The following SHANK2 variants were observed in gnomAD, a reference collection of about 807,000 sequenced individuals.
SHANK2 encodes SH3 and multiple ankyrin repeat domains protein 2.
A neutral mutation model predicts 133.7 loss-of-function variants in SHANK2; 43 were observed. The ratio of observed to expected loss-of-function variants is 0.32; its 90% confidence interval spans 0.25 to 0.41. The LOEUF (loss-of-function observed/expected upper bound fraction) is 0.41. Among genes scored for constraint, SHANK2 ranks in the 10% least tolerant of loss-of-function variants. The pLI is 1.00. For synonymous variants in SHANK2, 1,017 were observed against 952.8 expected, an observed-to-expected ratio of 1.07 and a Z score of -1.24; for missense variants, 1,994 against 2,235.8, an observed-to-expected ratio of 0.89 and a Z score of 2.18.
At position 70,819,759 on chromosome 11, in the gene SHANK2, G is replaced by T. The variant is rs536092024; in HGVS notation, c.1493+605C>A. ...TGACAGACATGCCCTCTGTGCTCCT[G>T]CCATGCTGGACCCAGGCCTGCAAGT... On this transcript the variant is annotated intron_variant, in intron 12 of 25. Coordinates refer to ENST00000601538, the MANE Select transcript of SHANK2 (RefSeq NM_012309.5). Among the ~76,000 whole-genome samples, 4 of 152,200 alleles carry T rather than the reference G, an allele frequency of 2.6e-5. No individual in the cohort carries two copies. In the East Asian group the frequency reaches 7.8e-4, roughly 29 times the overall value.
chr11:70,955,474 C>A (rs1950907725), intron 10 of SHANK2, among the ~76,000 whole-genome samples: 3 of 149,300 alleles, frequency 2.0e-5, no homozygotes, highest in African/African-American at 7.6e-5. Context: ...TGTACACACA[C>A]TTACAAATAC....
chr11:70,926,901 G>A (rs189637177), intron 10 of SHANK2, among the ~76,000 whole-genome samples: 5 of 152,302 alleles, frequency 3.3e-5, no homozygotes, highest in South Asian at 2.1e-4. Flanking sequence ...AGTGTGAGGC[G>A]TCCATGGTCT....
At chr11:70,790,765 C>CAGG (rs1947770393) in intron 14 of SHANK2, among the ~76,000 whole-genome samples, 2 of 152,200 alleles carry the variant, frequency 1.3e-5, no homozygotes, top group Non-Finnish European at 2.9e-5. Flanking sequence ...AAACAGTCAC[C>CAGG]AGGAGGTGGC....
intron 14 of SHANK2, among the ~76,000 whole-genome samples, chr11:70,727,722 C>T (rs1946204843): frequency 1.3e-5 from 2 of 152,166 alleles, no homozygotes; most frequent in African/African-American, 2.4e-5. Flanking sequence ...TGGGTTAAGA[C>T]TCAGGATAGA....
chr11:70,646,573 T>C (rs1470296507), intron 17 of SHANK2, among the ~76,000 whole-genome samples: 1 of 152,196 alleles, frequency 6.6e-6, no homozygotes, highest in African/African-American at 2.4e-5. Context: ...TCTGCACTCT[T>C]TGGGAAGAAG....
chr11:71,085,589 A>G lies in SHANK2; in HGVS notation c.912+6833T>C, dbSNP rs1359572597. Among the ~76,000 whole-genome samples the G allele has an allele frequency of 4.0e-4, 11 of 27,642 alleles. No individual in the cohort carries two copies. In the South Asian group the frequency reaches 0.01, roughly 25 times the overall value. 18.1% of individuals were successfully genotyped at this position (27,642 alleles called of 152,430 possible). On this transcript the variant is annotated intron_variant, in intron 8 of 25. Transcript: ENST00000601538. ...TAAAATATATATTATATAATATATT[A>G]TATAATATATATATTAAATATATAT...
chr11:70,892,224 C>T (rs1391248240), intron 11 of SHANK2, among the ~76,000 whole-genome samples: 2 of 152,242 alleles, frequency 1.3e-5, no homozygotes, highest in Non-Finnish European at 2.9e-5. Flanking sequence ...GCATCATCTT[C>T]CTCCAGCCCT....
intron 10 of SHANK2, among the ~76,000 whole-genome samples, chr11:70,908,840 C>T (rs1555078481): frequency 6.6e-6 from 1 of 152,188 alleles, no homozygotes; most frequent in Non-Finnish European, 1.5e-5. Context: ...CCCAACTGAT[C>T]TACCTCCATT....
chr11:71,113,326 G>A lies in SHANK2; in HGVS notation c.450C>T (p.Leu150=), dbSNP rs1159301962. ...YKKRVYKQAS[L]DEKQLAKLHT... is the part of the protein sequence containing the mutation. The stretch of plus-strand genomic sequence containing the variant: ...GGAGCTTGGCCAACTGTTTCTCATC[G>A]AGACTGGCTTGTTTATACACCCGCT... The change falls in exon 5 of 26, where the codon CTC becomes CTT. Residue 150 remains leucine (L), a synonymous_variant. Transcript: ENST00000601538. The A allele has an allele frequency of 9.0e-6, 14 of 1,551,508 alleles. No homozygotes were observed. The highest frequency in any genetic ancestry group is 2.7e-5 in the African/African-American group (2 of 73,002).
intron 17 of SHANK2, among the ~76,000 whole-genome samples, chr11:70,656,771 C>T (rs189186147): frequency 2.0e-4 from 30 of 152,176 alleles, no homozygotes; most frequent in Admixed American, 1.4e-3. Flanking sequence ...ATGAGACTCC[C>T]GATCTGGAGA....
chr11:71,066,026 G>C (rs1590879270), intron 9 of SHANK2, among the ~76,000 whole-genome samples: 1 of 137,092 alleles, frequency 7.3e-6, no homozygotes, highest in Non-Finnish European at 1.6e-5. Context: ...TGAGTGGTGA[G>C]TGGGGAAGTT....
At chr11:70,861,494 TC>T (rs1375199235) in intron 11 of SHANK2, among the ~76,000 whole-genome samples, 3 of 152,208 alleles carry the variant, frequency 2.0e-5, no homozygotes, top group African/African-American at 7.2e-5. Flanking sequence ...TGAACTTGCA[TC>T]AAAACATGAT....
chr11:70,791,852 C>T (rs1555048065), intron 14 of SHANK2, among the ~76,000 whole-genome samples: 1 of 152,206 alleles, frequency 6.6e-6, no homozygotes, highest in Non-Finnish European at 1.5e-5. Flanking sequence ...TGGGGATGCT[C>T]ATGTGTACAA....
chr11:70,494,036 C>T (rs1022941907), intron 21 of SHANK2, among the ~76,000 whole-genome samples: 1 of 152,186 alleles, frequency 6.6e-6, no homozygotes. Flanking sequence ...CAGGGTTGTC[C>T]AACACAAAGG....
At chr11:70,521,828 C>T (rs1212155087) in intron 17 of SHANK2, among the ~76,000 whole-genome samples, 2 of 152,240 alleles carry the variant, frequency 1.3e-5, no homozygotes, top group Non-Finnish European at 2.9e-5. Context: ...CGGCAGCTCC[C>T]AGAGACGCTC....
intron 9 of SHANK2, among the ~76,000 whole-genome samples, chr11:71,074,617 C>T (rs1053925498): frequency 5.9e-5 from 9 of 152,056 alleles, no homozygotes; most frequent in Admixed American, 2.6e-4. Context: ...ACAGACAATG[C>T]GAGCTATTTT....
At position 71,094,241 on chromosome 11, in the gene SHANK2, G is replaced by A. The variant is rs76941100; in HGVS notation, c.744+296C>T. 8.7e-3 allele frequency among the ~76,000 whole-genome samples: 1,327 copies of A among 152,250 alleles called. 22 individuals carry two copies. The highest frequency in any genetic ancestry group is 0.03 in the African/African-American group (1,257 of 41,514). The stretch of plus-strand genomic sequence containing the variant: ...TGAGTCTTCCTGTGGATGGGGTTGG[G>A]GTTCACCACTGGCCTTACGGGTTGA... On this transcript the variant is annotated intron_variant, in intron 7 of 25. Transcript: ENST00000601538.
chr11:70,831,658 A>T (rs1233836193), intron 11 of SHANK2, among the ~76,000 whole-genome samples: 1 of 152,268 alleles, frequency 6.6e-6, no homozygotes, highest in Non-Finnish European at 1.5e-5. Flanking sequence ...CACTTCTTGC[A>T]TAAAAAAAAA....
At chr11:71,120,670 T>C (rs1317321287) in intron 3 of SHANK2, among the ~76,000 whole-genome samples, 1 of 152,154 alleles carries the variant, frequency 6.6e-6, no homozygotes, top group Non-Finnish European at 1.5e-5. Flanking sequence ...CAGTTGTTTA[T>C]TCCAGAAAGA....
Sources: gnomAD v4.1 joint callset for allele counts (sites outside exome capture counted in the v4.1 genomes callset) on GRCh38, gnomAD v4.1.1 for gene constraint, MANE v1.5 for transcripts, NCBI Gene and HGNC (gene_info 2026-07-23, HGNC 2026-07-21) for gene names.